The following GYS1 variants were observed in gnomAD, a reference collection of about 807,000 sequenced individuals.
The protein encoded by GYS1 is glycogen [starch] synthase, muscle.
Under a neutral mutation model 89.1 loss-of-function variants are expected in GYS1, and 60 were observed. That is an observed-to-expected ratio of 0.67 (90% CI 0.55 to 0.84). GYS1 has a LOEUF of 0.84. Among genes scored for constraint, GYS1 ranks in the 40% least tolerant of loss-of-function variants. The pLI is 0.00. For synonymous variants in GYS1, 366 were observed against 401.7 expected (o/e 0.91, Z 1.06); for missense variants, 888 against 1,003.1 (o/e 0.89, Z 1.55).
At position 48,971,019 on chromosome 19, in the gene GYS1, C is replaced by T; in HGVS notation, c.1554G>A (p.Glu518=). The T allele has an allele frequency of 6.2e-7, 1 of 1,612,668 alleles. No individual in the cohort carries two copies. ...TACTGGGGATTCCCATAACCGTGCA[C>T]TCAGCTGCGGGAAGGCAGGAGAGAG... ...YYEPWGYTPA[E]CTVMGIPSIS... is the part of the protein sequence containing the mutation. Residue 518 remains glutamate, a synonymous_variant, in exon 13 of 16, where the codon GAG becomes GAA. Coordinates refer to ENST00000323798, the MANE Select transcript of GYS1 (RefSeq NM_002103.5).
At chr19:48,972,308 C>G (rs2038578640) in intron 12 of GYS1, among the ~76,000 whole-genome samples, 3 of 151,224 alleles carry the variant, frequency 2.0e-5, no homozygotes, top group Middle Eastern at 3.4e-3. Flanking sequence ...GCACTCCAGC[C>G]TGGCAATAGA....
rs1270593916 is a variant in GYS1, at chr19:48,968,702, C to A, written c.*586G>T. The A allele has an allele frequency of 2.2e-6, 1 of 453,972 alleles. No homozygotes were observed. Among genetic ancestry groups the A allele is most frequent in the Admixed American group, 2.4e-5 (1 of 42,548 alleles). The allele number at this position is 453,972 out of a possible 1,614,324, so 28.1% of individuals were successfully genotyped here. On this transcript the variant is annotated 3_prime_UTR_variant, in exon 16 of 16. Transcript: ENST00000323798. ...GGATGGAGGGATCCTCCAGGCAGAG[C>A]CTGGCTCTGACATGCCAGGGAGGGC...
chr19:48,986,146 A>G (rs938195726), intron 3 of GYS1, 111 bp from the exon 4 acceptor site: 6 of 948,344 alleles, frequency 6.3e-6, no homozygotes, highest in Admixed American at 3.9e-5. Context: ...CCACTACTGC[A>G]CAGAGTGGGC....
chr19:48,989,900 G>C (rs2038895848), intron 2 of GYS1, among the ~76,000 whole-genome samples: 1 of 151,932 alleles, frequency 6.6e-6, no homozygotes, highest in African/African-American at 2.4e-5. Context: ...TGCCACAGCA[G>C]TGGAGAAGCA....
At chr19:48,980,839 G>C (rs1052396341) in intron 8 of GYS1, among the ~76,000 whole-genome samples, 2 of 152,070 alleles carry the variant, frequency 1.3e-5, no homozygotes, top group Non-Finnish European at 2.9e-5. Context: ...AAAAGGCTAG[G>C]TGTGGTGGCT....
In GYS1 at chr19:48,987,239, G is replaced by C; in HGVS notation, c.447C>G (p.Asn149Lys). 1 of 1,613,518 alleles carries C rather than the reference G, an allele frequency of 6.2e-7. No homozygotes were observed. The highest frequency in any genetic ancestry group is 8.5e-7 in the Non-Finnish European group (1 of 1,179,644). ...IGVPWYDREA[N>K]DAVLFGFLTT... ...TCAGAAAGCCAAAGAGGACAGCGTC[G>C]TTGGCCTCGCGGTCGTACCACGGCA... The change falls in exon 3 of 16, where the codon AAC (asparagine) becomes AAG (lysine). Residue 149 changes from asparagine to lysine, a missense_variant. Transcript: ENST00000323798.
chr19:48,990,564 C>A (rs1387086078), intron 2 of GYS1, among the ~76,000 whole-genome samples: 1 of 152,172 alleles, frequency 6.6e-6, no homozygotes, highest in African/African-American at 2.4e-5. Context: ...ATGATCATAA[C>A]AATGACAATC....
In GYS1 at chr19:48,985,151, G is replaced by A. The variant is rs970444683; in HGVS notation, c.823+310C>T. On this transcript the variant is annotated intron_variant, in intron 5 of 15. Transcript: ENST00000323798. Reference sequence around the variant, plus strand: ...ACTGCACCCTTGACCTCCTAGGCTCGAGCAATCCTCCCACCTCAGCCTCCT... The same window carrying A: ...ACTGCACCCTTGACCTCCTAGGCTCAAGCAATCCTCCCACCTCAGCCTCCT... 1.3e-4 allele frequency among the ~76,000 whole-genome samples: 19 copies of A among 151,972 alleles called. 1 individual carries two copies. Among genetic ancestry groups the A allele is most frequent in the South Asian group, 1.0e-3 (5 of 4,820 alleles).
chr19:48,969,919 TG>T (rs1167433969), intron 14 of GYS1, 64 bp from the exon 15 acceptor site: 4 of 1,109,156 alleles, frequency 3.6e-6, no homozygotes, highest in Admixed American at 1.7e-5. Context: ...AGGCAGATGA[TG>T]GGGGTCTTGG....
intron 8 of GYS1, among the ~76,000 whole-genome samples, chr19:48,978,502 G>A (rs1388484974): frequency 6.7e-6 from 1 of 150,116 alleles, no homozygotes; most frequent in Non-Finnish European, 1.5e-5. Flanking sequence ...TGGGATTAGA[G>A]GCTTGAGCCA....
At position 48,969,207 on chromosome 19, in the gene GYS1, G is replaced by T. The variant is rs1008327259; in HGVS notation, c.*81C>A. The stretch of plus-strand genomic sequence containing the variant: ...GCCACACCCAGTGCAGATCTGGAGC[G>T]GGGGTTTAGGAGCAGCACCCCTCTG... On this transcript the variant is annotated 3_prime_UTR_variant, in exon 16 of 16. Coordinates refer to ENST00000323798, the MANE Select transcript of GYS1 (RefSeq NM_002103.5). 1.6e-6 allele frequency: 2 copies of T among 1,279,532 alleles called. No homozygotes were observed. The highest frequency in any genetic ancestry group is 2.1e-6 in the Non-Finnish European group (2 of 930,716). The allele number at this position is 1,279,532 out of a possible 1,614,324, so 79.3% of individuals were successfully genotyped here.
intron 10 of GYS1, among the ~76,000 whole-genome samples, chr19:48,975,714 T>G (rs1436860002): frequency 6.7e-6 from 1 of 149,634 alleles, no homozygotes; most frequent in African/African-American, 2.5e-5. Context: ...GATGACGAGG[T>G]CAGGAGATCG....
In GYS1 at chr19:48,985,473, T is replaced by G. The variant is rs2038828123; in HGVS notation, c.811A>C (p.Lys271Gln). ...GCCCAGCCCCTACCTGGTTTCCTCT[T>G]GAGCAAGTGCTGTGCCTCGATGGCG... ...ITAIEAQHLL[K>Q]RKPDIVTPNG... The change falls in exon 5 of 16, where the codon AAG becomes CAG. Residue 271 changes from lysine (K) to glutamine (Q), a missense_variant. Physicochemically the swap from Lys to Gln is moderately conservative, Grantham distance 53. Transcript: ENST00000323798. The G allele has an allele frequency of 4.3e-6, 7 of 1,613,868 alleles. No individual in the cohort carries two copies. The highest frequency in any genetic ancestry group is 5.9e-6 in the Non-Finnish European group (7 of 1,180,030).
In GYS1 at chr19:48,975,787, C is replaced by T. The variant is rs566244289; in HGVS notation, c.1309-1054G>A. Among the ~76,000 whole-genome samples, 8 of 151,696 alleles carry T rather than the reference C, an allele frequency of 5.3e-5. No homozygotes were observed. The South Asian group carries it at 8.3e-4, about 16-fold the overall frequency. ...CTAAAAATACAAAAAATTAGCCAGG[C>T]GTGGTGGTGGGTGCCTCAGGAGGCT... On this transcript the variant is annotated intron_variant, in intron 10 of 15. Transcript: ENST00000323798.
rs2038512825 is a variant in GYS1, at chr19:48,969,287, C to T, written c.*1G>A. On this transcript the variant is annotated 3_prime_UTR_variant, in exon 16 of 16. Coordinates refer to ENST00000323798, the MANE Select transcript of GYS1 (RefSeq NM_002103.5). ...CAGGCGGGGAGTGTGGTGGGGCGGA[C>T]TTAGTTACGCTCCTCGCCCAGGGAG... 2 of 1,544,594 alleles carry T rather than the reference C, an allele frequency of 1.3e-6. No homozygotes were observed. The highest frequency in any genetic ancestry group is 1.7e-6 in the Non-Finnish European group (2 of 1,152,364).
In GYS1 at chr19:48,974,192, TC is replaced by T; in HGVS notation, c.1549+20del. The T allele has an allele frequency of 6.3e-7, 1 of 1,581,990 alleles. No individual in the cohort carries two copies. The stretch of plus-strand genomic sequence containing the variant: ...TGACTAGGATGCCATGACCACGCTG[TC>T]CCCTGCCCACTACACTCACCCGGTG... On this transcript the variant is annotated intron_variant, in intron 12 of 15. Transcript: ENST00000323798.
intron 2 of GYS1, among the ~76,000 whole-genome samples, chr19:48,990,897 C>CG (rs2038915678): frequency 6.6e-6 from 1 of 152,206 alleles, no homozygotes; most frequent in South Asian, 2.1e-4. Context: ...CGGGTTCAAG[C>CG]GATTCTCCTG....
At chr19:48,978,205 A>G (rs561296314) in intron 8 of GYS1, 48 bp from the exon 9 acceptor site, 2 of 1,432,884 alleles carry the variant, frequency 1.4e-6, no homozygotes, top group Admixed American at 3.3e-5. Context: ...GCTGCCATTT[A>G]CTGTTAGGCT....
In GYS1 at chr19:48,969,449, G is replaced by C. The variant is rs1188943082; in HGVS notation, c.2053C>G (p.Arg685Gly). 1 of 1,545,084 alleles carries C rather than the reference G, an allele frequency of 6.5e-7. No individual in the cohort carries two copies. Among genetic ancestry groups the C allele is most frequent in the Admixed American group, 2.0e-5 (1 of 51,066 alleles). ...CACTCTGGTGCACGGATGTTGCGCC[G>C]GTCCTTGGCGGCCTCCTCGTCCTCA... ...YDEDEEAAKD[R>G]RNIRAPEWPR... The change falls in exon 16 of 16, where the codon CGG (arginine) becomes GGG (glycine). Residue 685 changes from arginine to glycine, a missense_variant. Transcript: ENST00000323798.
Sources: gnomAD v4.1 joint callset for allele counts (sites outside exome capture counted in the v4.1 genomes callset) on GRCh38, gnomAD v4.1.1 for gene constraint, MANE v1.5 for transcripts, NCBI Gene and HGNC (gene_info 2026-07-23, HGNC 2026-07-21) for gene names.